Variants in ACOX3 observed in about 807,000 individuals in gnomAD.
ACOX3 encodes acyl-CoA oxidase 3, pristanoyl, also known as peroxisomal acyl-coenzyme A oxidase 3.
A neutral mutation model predicts 81.5 loss-of-function variants in ACOX3; 73 were observed. The observed-to-expected ratio is 0.90, with a 90% CI of 0.74 to 1.09. The LOEUF (loss-of-function observed/expected upper bound fraction) is 1.09. ACOX3 is among the 50% of genes least tolerant of loss of function. The pLI, the probability that ACOX3 is intolerant of heterozygous loss-of-function variation, is 0.00. For missense variants in ACOX3, 947 were observed against 928.0 expected (o/e 1.02, Z -0.27); for synonymous variants, 387 against 375.1 (o/e 1.03, Z -0.37).
intron 14 of ACOX3, among the ~76,000 whole-genome samples, chr4:8,375,726 G>A (rs1237087159): frequency 6.6e-6 from 1 of 152,236 alleles, no homozygotes. Context: ...GTCCATGAGT[G>A]CCCCATGTTT....
intron 10 of ACOX3, among the ~76,000 whole-genome samples, chr4:8,393,979 C>T (rs1719372145): frequency 6.6e-6 from 1 of 152,196 alleles, no homozygotes; most frequent in Non-Finnish European, 1.5e-5. Flanking sequence ...AATGTGGACA[C>T]CGATAATATT....
chr4:8,383,811 G>C (rs1717984294), intron 13 of ACOX3, among the ~76,000 whole-genome samples: 1 of 152,194 alleles, frequency 6.6e-6, no homozygotes, highest in Non-Finnish European at 1.5e-5. Context: ...GTTCCTAAAG[G>C]CTCTGCAACA....
In ACOX3 at chr4:8,375,031, C is replaced by G. The variant is rs1363620093; in HGVS notation, c.1775G>C (p.Ser592Thr). ...CAGGGACCACAGGGCGTACAGAGCA[C>G]TGAGCCGCCCCAGCACGGCCCGCAG... The part of the protein sequence containing the change: ...PSLRAVLGRL[S>T]ALYALWSLSR... The change falls in exon 15 of 18, where the codon AGT becomes ACT. Residue 592 changes from serine (S) to threonine (T), a missense_variant. Ser to Thr is a moderately conservative substitution (Grantham distance 58, BLOSUM62 1). Transcript: ENST00000356406. The G allele has an allele frequency of 6.4e-7, 1 of 1,555,018 alleles. No homozygotes were observed.
At chr4:8,397,344 C>T (rs930434947) in intron 8 of ACOX3, among the ~76,000 whole-genome samples, 2 of 152,224 alleles carry the variant, frequency 1.3e-5, no homozygotes, top group Admixed American at 1.3e-4. Flanking sequence ...AGGGGACACC[C>T]AGCTGCCTGG....
In ACOX3 at chr4:8,397,097, G is replaced by A. The variant is rs768826704; in HGVS notation, c.896C>T (p.Ala299Val). ...PFKDVRQRFGASLGSLSSGRV... is the reference protein window; with the variant it reads ...PFKDVRQRFGVSLGSLSSGRV... ...GCCCGAGGACAGGCTCCCCAGGGACGCTCCAAAGCGCTGCCTGACGTCCTA... is the reference window on the plus strand; with the variant it reads ...GCCCGAGGACAGGCTCCCCAGGGACACTCCAAAGCGCTGCCTGACGTCCTA... The change falls in exon 9 of 18, where the codon GCG becomes GTG. Residue 299 changes from alanine to valine, a missense_variant. Ala to Val is a moderately conservative substitution (Grantham distance 64). Transcript: ENST00000356406. 18 of 1,564,410 alleles carry A rather than the reference G, an allele frequency of 1.2e-5. No homozygotes were observed. The highest frequency in any genetic ancestry group is 1.1e-4 in the South Asian group (9 of 83,918).
intron 11 of ACOX3, among the ~76,000 whole-genome samples, chr4:8,390,785 A>G (rs192042141): frequency 6.6e-6 from 1 of 152,118 alleles, no homozygotes; most frequent in Non-Finnish European, 1.5e-5. Flanking sequence ...AAGGAGTCCT[A>G]TTGCAGCCAT....
chr4:8,361,176 C>G, the ACOX3 span, among the ~76,000 whole-genome samples: 1 of 151,882 alleles, frequency 6.6e-6, no homozygotes, highest in Non-Finnish European at 1.5e-5. Flanking sequence ...GTAATCCCAG[C>G]AGTTTGGGAG....
rs145191853 is a variant in ACOX3, at chr4:8,431,986, C to T, written c.-15+8662G>A. ...TGGTTCTGCATTCCCAGAAGAGTGG[C>T]TGGAAGAAGTCACCAGGTCCTTGGG... On this transcript the variant is annotated intron_variant, in intron 1 of 17. Transcript: ENST00000356406. The surrounding 1 kb of genome is among the most constrained non-coding windows in gnomAD (Gnocchi z 5.3). 6.7e-3 allele frequency among the ~76,000 whole-genome samples: 1,024 copies of T among 152,260 alleles called. 13 individuals carry two copies. The highest frequency in any genetic ancestry group is 0.024 in the African/African-American group (977 of 41,546).
Position 8,370,871 on chromosome 4 carries a change from C to G in ACOX3, c.1983+37G>C, listed in dbSNP as rs367841548. ...AGCTCCGCAGAAATGCCCATCAACC[C>G]TTGGGGCACTCCCGTGAGGCCCTGT... is the stretch of plus-strand genomic sequence containing the variant. On this transcript the variant is annotated intron_variant, in intron 17 of 17. Coordinates refer to ENST00000356406, the MANE Select transcript of ACOX3 (RefSeq NM_003501.3). This position sits in a 1 kb window ranked among gnomAD's most constrained non-coding sequence, Gnocchi z 6.3. 6.5e-5 allele frequency: 103 copies of G among 1,591,442 alleles called. No homozygotes were observed. In the Middle Eastern group the frequency reaches 1.3e-3, roughly 20 times the overall value.
At chr4:8,438,310 A>T (rs1287026164) in intron 1 of ACOX3, among the ~76,000 whole-genome samples, 1 of 152,256 alleles carries the variant, frequency 6.6e-6, no homozygotes. Context: ...TGTTAAAAAT[A>T]AAATGGAAGT....
In ACOX3 at chr4:8,416,441, T is replaced by A. The variant is rs781191194; in HGVS notation, c.81A>T (p.Arg27Ser). The change falls in exon 2 of 18, where the codon AGA becomes AGT. Residue 27 changes from arginine to serine, a missense_variant. Physicochemically the swap from Arg to Ser is moderately radical, Grantham distance 110. Transcript: ENST00000356406. The surrounding 1 kb of genome is among the most constrained non-coding windows in gnomAD (Gnocchi z 4.2). ...CCAGCTCCTTCCAGCTGAAGGACGC[T>A]CTTGCTCGGTAGGCATCGAGGGGCC... ...PRGPLDAYRA[R>S]ASFSWKELAL... The A allele has an allele frequency of 6.2e-7, 1 of 1,614,160 alleles. No homozygotes were observed. The highest frequency in any genetic ancestry group is 1.1e-5 in the South Asian group (1 of 91,082).
intron 1 of ACOX3, 108 bp downstream of exon 1, chr4:8,440,540 T>C (rs1319907350): frequency 1.0e-5 from 4 of 400,738 alleles, no homozygotes; most frequent in Non-Finnish European, 1.8e-5. Flanking sequence ...TAATCAGTAC[T>C]GAGGACAATG....
At position 8,415,961 on chromosome 4, in the gene ACOX3, GAA is replaced by G; in HGVS notation, c.181_182del (p.Phe61ArgfsTer28). 1 of 1,614,218 alleles carries G rather than the reference GAA, an allele frequency of 6.2e-7. No individual in the cohort carries two copies. The highest frequency in any genetic ancestry group is 8.5e-7 in the Non-Finnish European group (1 of 1,180,050). On this transcript the variant is annotated frameshift_variant, in exon 3 of 18. Transcript: ENST00000356406. LOFTEE classifies it high-confidence loss of function. ...IFSALENDPL[F>X]ARSPGADLSL... ...ACAGATCGGCTCCAGGGGAACGAGC[GAA>G]AAGAGGGTCATTCTCAAGAGCTGAG...
intron 17 of ACOX3, among the ~76,000 whole-genome samples, chr4:8,367,291 C>G (rs898745485): frequency 1.6e-4 from 25 of 151,988 alleles, no homozygotes; most frequent in African/African-American, 2.4e-5. Flanking sequence ...ATCAGCCTGA[C>G]CAACATGGAG....
downstream of ACOX3, among the ~76,000 whole-genome samples, chr4:8,364,546 C>T (rs60811064): frequency 1.4e-5 from 2 of 138,974 alleles, no homozygotes; most frequent in Admixed American, 7.1e-5. This position sits in a 1 kb window ranked among gnomAD's most constrained non-coding sequence, Gnocchi z 5.0. Flanking sequence ...CACGAGAACC[C>T]GTTGTGTCTG....
In ACOX3 at chr4:8,370,001, G is replaced by A. The variant is rs1251662198; in HGVS notation, c.1983+907C>T. 2.0e-5 allele frequency among the ~76,000 whole-genome samples: 3 copies of A among 152,226 alleles called. No homozygotes were observed. Among genetic ancestry groups the A allele is most frequent in the Non-Finnish European group, 2.9e-5 (2 of 68,044 alleles). ...AGTGGACCTGTGAGCATCGCTCCTC[G>A]AGGGCATCATCAGGTGGGAGGGAGA... On this transcript the variant is annotated intron_variant, in intron 17 of 17. Coordinates refer to ENST00000356406, the MANE Select transcript of ACOX3 (RefSeq NM_003501.3). This position sits in a 1 kb window ranked among gnomAD's most constrained non-coding sequence, Gnocchi z 6.3.
At chr4:8,367,106 T>C (rs1715550930) in intron 17 of ACOX3, 26 bp from the exon 18 acceptor site, 2 of 1,607,066 alleles carry the variant, frequency 1.2e-6, no homozygotes, top group African/African-American at 1.3e-5. Flanking sequence ...ACACAGCAAG[T>C]GAAGACAAAG....
In ACOX3 at chr4:8,389,043, C is replaced by G; in HGVS notation, c.1537+130G>C. On this transcript the variant is annotated intron_variant, in intron 13 of 17. Coordinates refer to ENST00000356406, the MANE Select transcript of ACOX3 (RefSeq NM_003501.3). The surrounding 1 kb of genome is among the most constrained non-coding windows in gnomAD (Gnocchi z 5.3). ...GAGCCAGCCCAGGACAAGCTGCATG[C>G]GGGGCCTCCCACCACCACTGCTGCC... is the stretch of plus-strand genomic sequence containing the variant. 1.4e-6 allele frequency: 1 copy of G among 690,274 alleles called. No homozygotes were observed. The highest frequency in any genetic ancestry group is 2.5e-6 in the Non-Finnish European group (1 of 397,510). 42.8% of individuals were successfully genotyped at this position (690,274 alleles called of 1,614,324 possible). A position where few individuals can be genotyped will look rare whatever the true frequency, so the allele number is the denominator to read the frequency against.
intron 14 of ACOX3, among the ~76,000 whole-genome samples, chr4:8,375,867 G>A (rs1222560363): frequency 2.0e-5 from 3 of 152,194 alleles, no homozygotes; most frequent in Non-Finnish European, 4.4e-5. Flanking sequence ...ATGGCTGCAC[G>A]GTATCCCATG....
Sources: allele counts gnomAD v4.1 joint callset (sites outside exome capture counted in the v4.1 genomes callset), GRCh38; gene constraint gnomAD v4.1.1; non-coding constraint Gnocchi (gnomAD v3.1); transcripts MANE v1.5; gene names NCBI Gene and HGNC (gene_info 2026-07-23, HGNC 2026-07-21).